CATSPER2: variants seen among roughly 807,000 people sequenced by gnomAD.
The protein encoded by CATSPER2 is cation channel sperm-associated protein 2.
A neutral mutation model predicts 68.8 loss-of-function variants in CATSPER2; 56 were observed. That is an observed-to-expected ratio of 0.81 (90% confidence interval 0.66 to 1.02). The LOEUF is 1.02. Ranked by LOEUF, CATSPER2 falls within the 50% of genes least tolerant of loss-of-function variation. The probability of loss-of-function intolerance (pLI) is 0.00; values close to 1 mark genes in which losing one functional copy is unlikely to be tolerated. For synonymous variants in CATSPER2, 198 were observed against 229.9 expected (o/e 0.86, Z 1.26); for missense variants, 582 against 642.0 (o/e 0.91, Z 1.01).
chr15:43,635,483 A>G lies in CATSPER2; in HGVS notation c.1122-67T>C, dbSNP rs2470118. The G allele has an allele frequency of 2.9e-4, 440 of 1,543,674 alleles. 4 individuals are homozygous for G. Among genetic ancestry groups the G allele is most frequent in the African/African-American group, 2.5e-3 (186 of 73,022 alleles). ...AAGCAAAAGTGTGGTAAGAAAAAAA[A>G]AGTTCATATCAGAAAGTGAAGAAAA... On this transcript the variant is annotated intron_variant, in intron 9 of 12. Coordinates refer to ENST00000396879, the MANE Select transcript of CATSPER2 (RefSeq NM_172095.4).
Position 43,633,280 on chromosome 15 carries a change from G to C in CATSPER2, c.1179-346C>G, listed in dbSNP as rs189484744. 318 of 336,922 alleles carry C rather than the reference G, an allele frequency of 9.4e-4. 10 individuals carry two copies. The Admixed American group carries it at 0.014, about 14-fold the overall frequency. The allele number at this position is 336,922 out of a possible 1,614,324, so 20.9% of individuals were successfully genotyped here. On this transcript the variant is annotated intron_variant, in intron 10 of 12. Transcript: ENST00000396879. ...AACTGATCTCTCTACTCCTTCCCTTGTTCTTCTATCAACACAGCAACCAGA... is the reference window on the plus strand; with the variant it reads ...AACTGATCTCTCTACTCCTTCCCTTCTTCTTCTATCAACACAGCAACCAGA...
chr15:43,641,835 G>A (rs963732642), intron 4 of CATSPER2, among the ~76,000 whole-genome samples: 11 of 151,904 alleles, frequency 7.2e-5, no homozygotes, highest in African/African-American at 2.7e-4. Flanking sequence ...TGGGACCACA[G>A]GCACATGTCA....
upstream of CATSPER2, chr15:43,648,869 G>C (rs2141589317): frequency 6.6e-7 from 1 of 1,508,342 alleles, no homozygotes; most frequent in Non-Finnish European, 8.9e-7. Flanking sequence ...TCGCCGCCTA[G>C]GCCCCGCCCC....
At chr15:43,646,928 G>A in intron 4 of CATSPER2, 122 bp downstream of exon 4, 2 of 823,878 alleles carry the variant, frequency 2.4e-6, no homozygotes, top group East Asian at 2.5e-5. Context: ...TGTTGCCCAG[G>A]CTGGTCTCCA....
intron 12 of CATSPER2, among the ~76,000 whole-genome samples, chr15:43,631,818 T>C (rs780517363): frequency 1.3e-5 from 2 of 151,888 alleles, no homozygotes; most frequent in Non-Finnish European, 2.9e-5. Context: ...GCTGCTCAAG[T>C]CTGAAATGCA....
intron 1 of CATSPER2, among the ~76,000 whole-genome samples, chr15:43,648,310 G>C (rs2086210734): frequency 1.3e-5 from 2 of 151,938 alleles, no homozygotes; most frequent in Admixed American, 1.3e-4. Context: ...TTCACTTTGT[G>C]ATGGCATTTC....
chr15:43,644,068 C>T lies in CATSPER2; in HGVS notation c.388+2982G>A, dbSNP rs1038499265. ...AAATGAGTCAAATCTTTTTTTCTTT[C>T]TCATTATTTAGAAACAAAATATGAG... On this transcript the variant is annotated intron_variant, in intron 4 of 12. Transcript: ENST00000396879. Among the ~76,000 whole-genome samples, 3 of 151,788 alleles carry T rather than the reference C, an allele frequency of 2.0e-5. 1 individual carries two copies. The highest frequency in any genetic ancestry group is 1.3e-4 in the Admixed American group (2 of 15,244).
chr15:43,640,522 T>C, intron 4 of CATSPER2, 26 bp from the exon 5 acceptor site: 1 of 1,612,794 alleles, frequency 6.2e-7, no homozygotes, highest in Non-Finnish European at 8.5e-7. Context: ...AAAGGAGGAA[T>C]AAAAGTTAAG....
In CATSPER2 at chr15:43,636,231, G is replaced by C. The variant is rs745803623; in HGVS notation, c.843-12C>G. The C allele has an allele frequency of 3.7e-6, 6 of 1,611,910 alleles. No homozygotes were observed. In the East Asian group the frequency reaches 8.9e-5, roughly 24 times the overall value. On this transcript the variant is annotated splice_polypyrimidine_tract_variant and intron_variant, in intron 7 of 12. Coordinates refer to ENST00000396879, the MANE Select transcript of CATSPER2 (RefSeq NM_172095.4). ...AATTCGGGAGGTCCCTAAAGAAAAA[G>C]ACATGTGAATAGACAGAAGCAGAGA...
intron 1 of CATSPER2, 38 bp from the exon 2 acceptor site, chr15:43,648,101 C>A: frequency 6.2e-7 from 1 of 1,609,538 alleles, no homozygotes; most frequent in Non-Finnish European, 8.5e-7. Flanking sequence ...TCATTTCATT[C>A]TTGGAGCTGC....
chr15:43,639,367 C>T (rs1254749136), intron 6 of CATSPER2: 4 of 467,686 alleles, frequency 8.6e-6, no homozygotes, highest in African/African-American at 6.0e-5. Context: ...GCCTCAGCCT[C>T]CTGAGTAGCT....
At chr15:43,645,996 A>T (rs1394738461) in intron 4 of CATSPER2, among the ~76,000 whole-genome samples, 1 of 151,982 alleles carries the variant, frequency 6.6e-6, no homozygotes, top group Non-Finnish European at 1.5e-5. Flanking sequence ...GGCTCAGCTA[A>T]TATCTTAGTT....
rs1475629392 is a variant in CATSPER2, at chr15:43,641,049, A to G, written c.389-553T>C. Among the ~76,000 whole-genome samples, 6 of 151,932 alleles carry G rather than the reference A, an allele frequency of 3.9e-5. No homozygotes were observed. In the East Asian group the frequency reaches 1.2e-3, roughly 29 times the overall value. On this transcript the variant is annotated intron_variant, in intron 4 of 12. Transcript: ENST00000396879. ...TCCCTGCCTAAAATTTTGCTCTGCA[A>G]AGCAAACTGAATGCAAATTTCCTCT...
Position 43,639,791 on chromosome 15 carries a change from A to G in CATSPER2, c.569T>C (p.Leu190Pro), listed in dbSNP as rs2086041009. The change falls in exon 6 of 13, where the codon CTT (leucine) becomes CCT (proline). Residue 190 changes from leucine (L) to proline (P), a missense_variant. Physicochemically the swap from Leu to Pro is moderately conservative, Grantham distance 98 (BLOSUM62 -3). Coordinates refer to ENST00000396879, the MANE Select transcript of CATSPER2 (RefSeq NM_172095.4). ...CCCTACCAATACCACAACCTCGGGA[A>G]GCAGGGACTGTGGAAAACACACAGG... ...FDFVVTMLSL[L>P]PEVVVLVGVT... 1 of 1,611,696 alleles carries G rather than the reference A, an allele frequency of 6.2e-7. No homozygotes were observed. The highest frequency in any genetic ancestry group is 8.5e-7 in the Non-Finnish European group (1 of 1,178,284).
rs2141541531 is a variant in CATSPER2, at chr15:43,630,293, T to C, written c.*408A>G. The C allele has an allele frequency of 3.7e-6, 1 of 273,278 alleles. No homozygotes were observed. Among genetic ancestry groups the C allele is most frequent in the Non-Finnish European group, 7.2e-6 (1 of 139,672 alleles). 16.9% of individuals were successfully genotyped at this position (273,278 alleles called of 1,614,324 possible). On this transcript the variant is annotated 3_prime_UTR_variant, in exon 13 of 13. Transcript: ENST00000396879. ...CACACTCAGCTTGAACTAACTCTTTTACTTGACCTTATGCCTTTCAATATC... is the reference window on the plus strand; with the variant it reads ...CACACTCAGCTTGAACTAACTCTTTCACTTGACCTTATGCCTTTCAATATC...
In CATSPER2 at chr15:43,636,027, T is replaced by C; in HGVS notation, c.1021+14A>G. The C allele has an allele frequency of 6.6e-7, 1 of 1,515,598 alleles. No homozygotes were observed. Among genetic ancestry groups the C allele is most frequent in the Non-Finnish European group, 9.1e-7 (1 of 1,098,286 alleles). 93.9% of individuals were successfully genotyped at this position (1,515,598 alleles called of 1,614,324 possible). On this transcript the variant is annotated intron_variant, in intron 8 of 12. Coordinates refer to ENST00000396879, the MANE Select transcript of CATSPER2 (RefSeq NM_172095.4). ...CCACACTTCCCAAACAAGTTTCACC[T>C]CCTCTATGCTTACCCATCATGGCTA...
intron 4 of CATSPER2, 68 bp downstream of exon 4, chr15:43,646,982 G>C: frequency 1.5e-6 from 2 of 1,372,474 alleles, no homozygotes; most frequent in Non-Finnish European, 2.1e-6. Flanking sequence ...CTCCCAAAGT[G>C]CTAGGATTAC....
chr15:43,640,367 C>G lies in CATSPER2; in HGVS notation c.518G>C (p.Trp173Ser). ...GTCAAAGACATTCCAGGCACTCTTCCAGAAAACAGAAAAGTTGGATAGCCA... is the reference window on the plus strand; with the variant it reads ...GTCAAAGACATTCCAGGCACTCTTCGAGAAAACAGAAAAGTTGGATAGCCA... ...LKWLSNFSVFWKSAWNVFDFV... is the reference protein window; with the variant it reads ...LKWLSNFSVFSKSAWNVFDFV... The change falls in exon 5 of 13, where the codon TGG (tryptophan) becomes TCG (serine). Residue 173 changes from tryptophan to serine, a missense_variant. Trp to Ser is a radical substitution (Grantham distance 177). This residue lies in a region of CATSPER2 where 45 missense variants were observed against 80.2 expected (regional missense o/e 0.56). Coordinates refer to ENST00000396879, the MANE Select transcript of CATSPER2 (RefSeq NM_172095.4). 1 of 1,612,296 alleles carries G rather than the reference C, an allele frequency of 6.2e-7. No homozygotes were observed. The highest frequency in any genetic ancestry group is 8.5e-7 in the Non-Finnish European group (1 of 1,178,870).
At chr15:43,646,408 C>T (rs1160501407) in intron 4 of CATSPER2, among the ~76,000 whole-genome samples, 2 of 151,060 alleles carry the variant, frequency 1.3e-5, no homozygotes. Flanking sequence ...TACAGGTGCC[C>T]ACCACCACGC....
Sources: gnomAD v4.1 joint callset for allele counts (sites outside exome capture counted in the v4.1 genomes callset) on GRCh38, gnomAD v4.1.1 for gene constraint, gnomAD v4.1.1 regional missense constraint, MANE v1.5 for transcripts, NCBI Gene and HGNC (gene_info 2026-07-23, HGNC 2026-07-21) for gene names.